DNAH7: variants seen among roughly 807,000 people sequenced by gnomAD.
DNAH7 encodes the protein dynein axonemal heavy chain 7.
Under a neutral mutation model 444.6 loss-of-function variants are expected in DNAH7, and 397 were observed. That is an observed-to-expected ratio of 0.89 (90% CI 0.82 to 0.97). DNAH7 has a LOEUF of 0.97. DNAH7 is among the 50% of genes least tolerant of loss of function. DNAH7 has a pLI of 0.00. For missense variants in DNAH7, 4,902 were observed against 4,800.8 expected (o/e 1.02, Z -0.62); for synonymous variants, 1,636 against 1,624.4 (o/e 1.01, Z -0.17).
intron 21 of DNAH7, among the ~76,000 whole-genome samples, chr2:195,927,110 T>G (rs1429950014): frequency 1.3e-5 from 2 of 152,124 alleles, no homozygotes; most frequent in Non-Finnish European, 2.9e-5. Context: ...CAGAGACAGA[T>G]GTACGATTCA....
chr2:195,960,971 T>C, intron 17 of DNAH7, 26 bp from the exon 18 acceptor site: 1 of 1,466,038 alleles, frequency 6.8e-7, no homozygotes, highest in Non-Finnish European at 9.0e-7. Context: ...TTGAATATAT[T>C]AGTTATTTTG....
chr2:195,972,440 A>G lies in DNAH7; in HGVS notation c.1860T>C (p.Thr620=). Residue 620 remains threonine, a synonymous_variant, in exon 16 of 65, where the codon ACT becomes ACC. Coordinates refer to ENST00000312428, the MANE Select transcript of DNAH7 (RefSeq NM_018897.3). ...ATCTCTGTTCTAGTTCAATCATATCAGTTACCTCCACTTTCTGAATGTAAG... is the reference window on the plus strand; with the variant it reads ...ATCTCTGTTCTAGTTCAATCATATCGGTTACCTCCACTTTCTGAATGTAAG... The part of the protein sequence containing the change: ...MKAYIQKVEV[T]DMIELEQRLV... 1 of 1,614,096 alleles carries G rather than the reference A, an allele frequency of 6.2e-7. No homozygotes were observed. Among genetic ancestry groups the G allele is most frequent in the Non-Finnish European group, 8.5e-7 (1 of 1,179,970 alleles).
intron 61 of DNAH7, among the ~76,000 whole-genome samples, chr2:195,765,657 C>T: frequency 6.6e-6 from 1 of 152,062 alleles, no homozygotes; most frequent in Non-Finnish European, 1.5e-5. Flanking sequence ...CAGAGAAACC[C>T]AAATCAAAAC....
At chr2:195,844,932 TG>T in intron 47 of DNAH7, 69 bp downstream of exon 47, 2 of 1,416,808 alleles carry the variant, frequency 1.4e-6, no homozygotes, top group Non-Finnish European at 1.9e-6. Context: ...TACCTAAAAT[TG>T]TTAAAGGAAC....
intron 59 of DNAH7, among the ~76,000 whole-genome samples, chr2:195,777,007 A>ACCTAGGCTTTGGGAGTGATTTTT (rs1341436813): frequency 6.6e-6 from 1 of 152,138 alleles, no homozygotes; most frequent in Non-Finnish European, 1.5e-5. Flanking sequence ...CCCAACAGTG[A>ACCTAGGCTTTGGGAGTGATTTTT]CCTAGGCTTT....
chr2:195,752,156 C>G (rs1422712118), intron 63 of DNAH7, among the ~76,000 whole-genome samples: 1 of 151,902 alleles, frequency 6.6e-6, no homozygotes, highest in Non-Finnish European at 1.5e-5. Flanking sequence ...CCTCTGGTCT[C>G]AGCTACTCAG....
At chr2:195,837,338 C>T (rs1698424946) in intron 47 of DNAH7, among the ~76,000 whole-genome samples, 1 of 152,210 alleles carries the variant, frequency 6.6e-6, no homozygotes, top group African/African-American at 2.4e-5. Context: ...CTGATTCTAA[C>T]CAAGATGGGC....
chr2:195,937,749 T>A (rs566217173), intron 19 of DNAH7, among the ~76,000 whole-genome samples: 45 of 152,040 alleles, frequency 3.0e-4, no homozygotes, highest in Non-Finnish European at 5.6e-4. Context: ...GTCTTATAAT[T>A]CCAAAGTCAG....
Position 195,824,412 on chromosome 2 carries a change from G to C in DNAH7, c.9134C>G (p.Pro3045Arg), listed in dbSNP as rs181561310. 3.7e-4 allele frequency: 593 copies of C among 1,610,300 alleles called. 1 individual carries two copies. The African/African-American group carries it at 6.9e-3, about 19-fold the overall frequency. Reference sequence around the variant, plus strand: ...TTTTAGTAGAAGAGGTTCCAAAATAGGATCTAGTTCTTCGCCAACATTTTC... The same window carrying C: ...TTTTAGTAGAAGAGGTTCCAAAATACGATCTAGTTCTTCGCCAACATTTTC... ...LLENVGEELDPILEPLLLKQT... is the reference protein window; with the variant it reads ...LLENVGEELDRILEPLLLKQT... Residue 3045 changes from proline (P) to arginine (R), a missense_variant, in exon 49 of 65, where the codon CCT (proline) becomes CGT (arginine). Coordinates refer to ENST00000312428, the MANE Select transcript of DNAH7 (RefSeq NM_018897.3).
intron 36 of DNAH7, among the ~76,000 whole-genome samples, chr2:195,877,274 G>A (rs2125152412): frequency 6.6e-6 from 1 of 152,246 alleles, no homozygotes; most frequent in South Asian, 2.1e-4. Context: ...TCCCTCAAGA[G>A]TTCTGTATAG....
chr2:195,773,407 A>G (rs909755311), intron 60 of DNAH7, among the ~76,000 whole-genome samples: 1 of 111,460 alleles, frequency 9.0e-6, no homozygotes, highest in Non-Finnish European at 1.9e-5. Flanking sequence ...TTCTAACAAG[A>G]GCTGTGCCTC....
chr2:195,998,832 A>G (rs1327767222), intron 12 of DNAH7: 8 of 355,128 alleles, frequency 2.3e-5, no homozygotes, highest in Non-Finnish European at 3.6e-5. Context: ...CAAAACACAT[A>G]AATATGCCAG....
chr2:195,804,742 T>C (rs1244223373), intron 54 of DNAH7, among the ~76,000 whole-genome samples: 1 of 152,196 alleles, frequency 6.6e-6, no homozygotes, highest in African/African-American at 2.4e-5. Flanking sequence ...TCACATCTTA[T>C]TGGTCAAAGT....
chr2:196,040,285 T>A (rs1185231797), intron 5 of DNAH7, among the ~76,000 whole-genome samples: 1 of 151,814 alleles, frequency 6.6e-6, no homozygotes, highest in African/African-American at 2.4e-5. Flanking sequence ...AAACTACAGG[T>A]CAATATTCCT....
chr2:195,903,727 C>T (rs1349801176), intron 27 of DNAH7: 1 of 152,050 alleles, frequency 6.6e-6, no homozygotes, highest in Non-Finnish European at 1.5e-5. Context: ...TGTCTACAAC[C>T]TTGAACCCTC....
intron 4 of DNAH7, among the ~76,000 whole-genome samples, chr2:196,047,744 A>G (rs1015315701): frequency 5.9e-5 from 9 of 151,836 alleles, no homozygotes; most frequent in African/African-American, 1.9e-4. Flanking sequence ...TATACTAATA[A>G]AATTTTCTAT....
At chr2:195,934,147 A>G (rs1447759760) in intron 21 of DNAH7, among the ~76,000 whole-genome samples, 3 of 152,222 alleles carry the variant, frequency 2.0e-5, no homozygotes, top group Admixed American at 6.5e-5. Context: ...AGTTGTTATT[A>G]ATTGTAGGAA....
intron 5 of DNAH7, among the ~76,000 whole-genome samples, chr2:196,040,487 A>G (rs76248801): frequency 0.038 from 5,715 of 152,272 alleles, 243 homozygotes; most frequent in African/African-American, 0.099. Context: ...CAATCATCTT[A>G]ATAGATGTGG....
At chr2:196,046,252 G>A (rs950937449) in intron 5 of DNAH7, among the ~76,000 whole-genome samples, 3 of 152,174 alleles carry the variant, frequency 2.0e-5, no homozygotes, top group African/African-American at 7.2e-5. Context: ...GGATTTTCAT[G>A]CCCATATGGG....
Sources: gnomAD v4.1 joint callset for allele counts (sites outside exome capture counted in the v4.1 genomes callset) on GRCh38, gnomAD v4.1.1 for gene constraint, MANE v1.5 for transcripts, NCBI Gene and HGNC (gene_info 2026-07-23, HGNC 2026-07-21) for gene names.